The following SGTA variants were observed in gnomAD, a reference collection of about 807,000 sequenced individuals.
SGTA encodes the protein small glutamine-rich tetratricopeptide repeat-containing protein alpha.
In SGTA, 22 loss-of-function variants were observed where a neutral mutation model predicts 44.3. The observed-to-expected ratio is 0.50, with a 90% CI of 0.36 to 0.71. The LOEUF (loss-of-function observed/expected upper bound fraction) is 0.71, where lower values mean the gene tolerates loss of function less well. SGTA is among the 30% of genes least tolerant of loss of function. The pLI, the probability that SGTA is intolerant of heterozygous loss-of-function variation, is 0.00. For missense variants in SGTA, 341 were observed against 435.9 expected (o/e 0.78, Z 1.94); for synonymous variants, 174 against 177.6 (o/e 0.98, Z 0.16).
Position 2,757,323 on chromosome 19 carries a change from C to T in SGTA, c.*6+14G>A, listed in dbSNP as rs956629425. ...CTGCTGGCCACCCCCCAGCCCCCGG[C>T]CCCATGCACTCACGCAGCGTCACTC... On this transcript the variant is annotated intron_variant, in intron 11 of 11. Transcript: ENST00000221566. 5.6e-6 allele frequency: 9 copies of T among 1,598,912 alleles called. No homozygotes were observed. The highest frequency in any genetic ancestry group is 7.6e-6 in the Non-Finnish European group (9 of 1,179,224).
At chr19:2,781,522 G>C (rs1915575398) in intron 1 of SGTA, among the ~76,000 whole-genome samples, 1 of 152,160 alleles carries the variant, frequency 6.6e-6, no homozygotes, top group Non-Finnish European at 1.5e-5. Context: ...ACAGGCCAGA[G>C]GTGGATTTGG....
chr19:2,774,393 T>C (rs1915395478), intron 1 of SGTA, among the ~76,000 whole-genome samples: 1 of 152,156 alleles, frequency 6.6e-6, no homozygotes, highest in Non-Finnish European at 1.5e-5. Flanking sequence ...CAGCTGCGCG[T>C]TGCTCACTGT....
At chr19:2,774,102 A>G (rs1310300661) in intron 1 of SGTA, among the ~76,000 whole-genome samples, 1 of 152,204 alleles carries the variant, frequency 6.6e-6, no homozygotes, top group Non-Finnish European at 1.5e-5. Context: ...CAGGACTGAG[A>G]GACGATGAAC....
At chr19:2,780,711 C>T (rs748136895) in intron 1 of SGTA, among the ~76,000 whole-genome samples, 1 of 152,188 alleles carries the variant, frequency 6.6e-6, no homozygotes, top group Non-Finnish European at 1.5e-5. Context: ...GGAAAGCCTG[C>T]GATTGTTGAA....
chr19:2,767,183 G>A lies in SGTA; in HGVS notation c.245C>T (p.Pro82Leu), dbSNP rs145050792. The part of the protein sequence containing the change: ...PQDLRSPART[P>L]PSEEDSAEAE... ...CTCTGCTGAGTCCTCCTCGGAAGGC[G>A]GGGTTCGCGCGGGGCTCCTCAGGTC... Residue 82 changes from proline to leucine, a missense_variant, in exon 4 of 12, where the codon CCG (proline) becomes CTG (leucine). Coordinates refer to ENST00000221566, the MANE Select transcript of SGTA (RefSeq NM_003021.4). The surrounding 1 kb of genome is among the most constrained non-coding windows in gnomAD (Gnocchi z 7.3). 13 of 1,612,570 alleles carry A rather than the reference G, an allele frequency of 8.1e-6. No homozygotes were observed. The highest frequency in any genetic ancestry group is 4.5e-5 in the East Asian group (2 of 44,836).
In SGTA at chr19:2,765,448, A is replaced by G. The variant is rs1243960387; in HGVS notation, c.293-163T>C. Among the ~76,000 whole-genome samples the G allele has an allele frequency of 6.6e-6, 1 of 152,136 alleles. No homozygotes were observed. The highest frequency in any genetic ancestry group is 1.5e-5 in the Non-Finnish European group (1 of 68,018). On this transcript the variant is annotated intron_variant, in intron 4 of 11. Coordinates refer to ENST00000221566, the MANE Select transcript of SGTA (RefSeq NM_003021.4). The surrounding 1 kb of genome is among the most constrained non-coding windows in gnomAD (Gnocchi z 5.5). ...CAACACAGATGCCGGCTCAGGAGGC[A>G]TCTGCATCTATAGGGGGTTCGCTAG...
chr19:2,761,416 G>A lies in SGTA; in HGVS notation c.699+44C>T. The A allele has an allele frequency of 1.3e-6, 2 of 1,498,272 alleles. No individual in the cohort carries two copies. The highest frequency in any genetic ancestry group is 2.5e-5 in the East Asian group (1 of 40,646). The allele number at this position is 1,498,272 out of a possible 1,614,324, so 92.8% of individuals were successfully genotyped here. A position where few individuals can be genotyped will look rare whatever the true frequency, so the allele number is the denominator to read the frequency against. On this transcript the variant is annotated intron_variant, in intron 8 of 11. Transcript: ENST00000221566. This position sits in a 1 kb window ranked among gnomAD's most constrained non-coding sequence, Gnocchi z 5.7. Reference sequence around the variant, plus strand: ...GGACACAGCAGATGCGGGCCTGGGGGGTGGCGCAGACACCATGGACAGGGA... The same window carrying A: ...GGACACAGCAGATGCGGGCCTGGGGAGTGGCGCAGACACCATGGACAGGGA...
chr19:2,771,584 G>T (rs4640310), intron 1 of SGTA, among the ~76,000 whole-genome samples: 1 of 151,552 alleles, frequency 6.6e-6, no homozygotes, highest in Non-Finnish European at 1.5e-5. Context: ...TCGGGGGGGG[G>T]GGGAGGGGTA....
intron 4 of SGTA, among the ~76,000 whole-genome samples, chr19:2,766,209 C>A (rs1915139378): frequency 6.6e-6 from 1 of 151,894 alleles, no homozygotes; most frequent in African/African-American, 2.4e-5. Context: ...GAGCGAGACT[C>A]CATCTCAAAA....
chr19:2,763,523 C>CA lies in SGTA; in HGVS notation c.497+129dup. 1 of 626,940 alleles carries CA rather than the reference C, an allele frequency of 1.6e-6. No homozygotes were observed. Among genetic ancestry groups the CA allele is most frequent in the Non-Finnish European group, 2.8e-6 (1 of 361,504 alleles). 38.8% of individuals were successfully genotyped at this position (626,940 alleles called of 1,614,324 possible). ...TACGTTGGCTCCGAACAGCTAGTGT[C>CA]AGAGTTGAACTGAACCGGGGTGGGA... is the stretch of plus-strand genomic sequence containing the variant. On this transcript the variant is annotated intron_variant, in intron 6 of 11. Coordinates refer to ENST00000221566, the MANE Select transcript of SGTA (RefSeq NM_003021.4). This position sits in a 1 kb window ranked among gnomAD's most constrained non-coding sequence, Gnocchi z 5.8.
At chr19:2,779,114 G>A (rs531922541) in intron 1 of SGTA, among the ~76,000 whole-genome samples, 3 of 152,178 alleles carry the variant, frequency 2.0e-5, no homozygotes, top group East Asian at 1.9e-4. Flanking sequence ...CTGCCAAACC[G>A]CCCCCAGCTG....
chr19:2,778,246 T>C (rs1307884668), intron 1 of SGTA, among the ~76,000 whole-genome samples: 1 of 152,100 alleles, frequency 6.6e-6, no homozygotes, highest in Non-Finnish European at 1.5e-5. Flanking sequence ...GAGGGGGATG[T>C]GCGTTCCTTC....
intron 10 of SGTA, 113 bp downstream of exon 10, chr19:2,757,580 G>A (rs955740335): frequency 9.6e-6 from 14 of 1,463,948 alleles, no homozygotes; most frequent in African/African-American, 4.2e-5. Context: ...GCTGGAGGAC[G>A]CTGGGCCCTT....
intron 1 of SGTA, among the ~76,000 whole-genome samples, chr19:2,778,358 G>A (rs1915491063): frequency 6.6e-6 from 1 of 152,176 alleles, no homozygotes; most frequent in Non-Finnish European, 1.5e-5. Context: ...TGGACAGGGT[G>A]GCAGGTGGCT....
intron 1 of SGTA, among the ~76,000 whole-genome samples, chr19:2,779,772 A>C (rs1220073565): frequency 2.0e-5 from 3 of 152,136 alleles, no homozygotes; most frequent in Non-Finnish European, 2.9e-5. Flanking sequence ...ATAAAAACAA[A>C]ATCAAAACAC....
rs565400210 is a variant in SGTA at position 2,772,007 on chromosome 19, C to A, written c.-23-2916G>T. 1.2e-4 allele frequency among the ~76,000 whole-genome samples: 19 copies of A among 152,392 alleles called. No homozygotes were observed. In the South Asian group the frequency reaches 3.7e-3, roughly 30 times the overall value. ...GGGTCTTCCCCATCTCTGTCCCTCA[C>A]TGGCTGACATACAGGGTGGCGGGGC... is the stretch of plus-strand genomic sequence containing the variant. On this transcript the variant is annotated intron_variant, in intron 1 of 11. Coordinates refer to ENST00000221566, the MANE Select transcript of SGTA (RefSeq NM_003021.4).
At position 2,769,038 on chromosome 19, in the gene SGTA, T is replaced by C. The variant is rs754390355; in HGVS notation, c.31A>G (p.Ile11Val). 2.5e-6 allele frequency: 4 copies of C among 1,613,994 alleles called. No homozygotes were observed. The highest frequency in any genetic ancestry group is 1.3e-5 in the African/African-American group (1 of 75,056). ...AGCTGGTCATGCAGGAACTGGATGA[T>C]GGCGTAGGCCAGGCGCTTCTTGTTG... MDNKKRLAYA[I>V]IQFLHDQLRH... The change falls in exon 2 of 12, where the codon ATC (isoleucine) becomes GTC (valine). Residue 11 changes from isoleucine to valine, a missense_variant. By Grantham distance (29) the Ile-to-Val change is conservative. Coordinates refer to ENST00000221566, the MANE Select transcript of SGTA (RefSeq NM_003021.4).
chr19:2,765,171 G>T lies in SGTA; in HGVS notation c.392+15C>A. 1 of 1,606,642 alleles carries T rather than the reference G, an allele frequency of 6.2e-7. No individual in the cohort carries two copies. The highest frequency in any genetic ancestry group is 1.3e-5 in the African/African-American group (1 of 74,876). On this transcript the variant is annotated intron_variant, in intron 5 of 11. Transcript: ENST00000221566. The surrounding 1 kb of genome is among the most constrained non-coding windows in gnomAD (Gnocchi z 5.5). ...ACCCGGCCGCCCCTGCCCTGGGCAGGCCCTGAGCTGGTACCTGTTGCAGAA... is the reference window on the plus strand; with the variant it reads ...ACCCGGCCGCCCCTGCCCTGGGCAGTCCCTGAGCTGGTACCTGTTGCAGAA...
intron 1 of SGTA, among the ~76,000 whole-genome samples, chr19:2,779,383 G>A (rs1389549858): frequency 1.3e-5 from 2 of 152,096 alleles, no homozygotes; most frequent in African/African-American, 2.4e-5. Context: ...ATCATCAAAC[G>A]GTTCTCAAAT....
Sources: allele counts gnomAD v4.1 joint callset (sites outside exome capture counted in the v4.1 genomes callset), GRCh38; gene constraint gnomAD v4.1.1; non-coding constraint Gnocchi (gnomAD v3.1); transcripts MANE v1.5; gene names NCBI Gene and HGNC (gene_info 2026-07-23, HGNC 2026-07-21).